Variants in RCOR1 observed in about 807,000 individuals in gnomAD.
RCOR1 encodes REST corepressor 1, also known as REST corepressor.
Under a neutral mutation model 64.0 loss-of-function variants are expected in RCOR1, and 12 were observed. That is an observed-to-expected ratio of 0.19 (90% confidence interval 0.12 to 0.30). The LOEUF is 0.30. Ranked by LOEUF, RCOR1 falls within the 10% of genes least tolerant of loss-of-function variation. The probability of loss-of-function intolerance (pLI) is 1.00; values close to 1 mark genes in which losing one functional copy is unlikely to be tolerated. For missense variants in RCOR1, 502 were observed against 621.2 expected, an observed-to-expected ratio of 0.81 and a Z score of 2.04; for synonymous variants, 279 against 227.2, an observed-to-expected ratio of 1.23 and a Z score of -2.05.
At position 102,730,145 on chromosome 14, in the gene RCOR1, G is replaced by A. The variant is rs1228077000; in HGVS notation, c.*3639G>A. On this transcript the variant is annotated 3_prime_UTR_variant, in exon 12 of 12. Transcript: ENST00000262241. The stretch of plus-strand genomic sequence containing the variant: ...GTTTACAGCCACCTTCTCCTAAAAC[G>A]AAATTTATACCGGGGTGGATAGTAT... 4.0e-5 allele frequency: 16 copies of A among 397,842 alleles called. No homozygotes were observed. The highest frequency in any genetic ancestry group is 8.2e-5 in the African/African-American group (4 of 48,630). The allele number at this position is 397,842 out of a possible 1,614,324, so 24.6% of individuals were successfully genotyped here. A position where few individuals can be genotyped will look rare whatever the true frequency, so the allele number is the denominator to read the frequency against.
chr14:102,601,652 G>A (rs145026962), intron 2 of RCOR1, among the ~76,000 whole-genome samples: 1,543 of 152,324 alleles, frequency 0.01, 15 homozygotes, highest in Admixed American at 0.015. Flanking sequence ...CTCAGCCAGA[G>A]TAGATTGTTA....
At chr14:102,680,886 C>G (rs186462691) in intron 2 of RCOR1, among the ~76,000 whole-genome samples, 3 of 152,328 alleles carry the variant, frequency 2.0e-5, no homozygotes, top group African/African-American at 7.2e-5. Context: ...CCATCTGCAA[C>G]AGAAATTCAA....
At chr14:102,706,120 A>AAAAAAAAAAAAAAAAAAAAAAAC (rs1895850398) in intron 4 of RCOR1, among the ~76,000 whole-genome samples, 1 of 146,228 alleles carries the variant, frequency 6.8e-6, no homozygotes, top group African/African-American at 2.6e-5. Context: ...GTCTCAAAAA[A>AAAAAAAAAAAAAAAAAAAAAAAC]AAAAAAAAAA....
intron 2 of RCOR1, among the ~76,000 whole-genome samples, chr14:102,677,220 T>A (rs1387658324): frequency 3.8e-4 from 14 of 36,696 alleles, no homozygotes; most frequent in South Asian, 2.1e-3. Context: ...TGACCCCCCC[T>A]CCCCCCTCCC....
chr14:102,702,183 T>G (rs1430282984), intron 4 of RCOR1, among the ~76,000 whole-genome samples: 4 of 152,218 alleles, frequency 2.6e-5, no homozygotes, highest in Non-Finnish European at 5.9e-5. Flanking sequence ...ACCAAGAGTT[T>G]AGATTATGTG....
intron 3 of RCOR1, among the ~76,000 whole-genome samples, chr14:102,697,934 T>C (rs1895680141): frequency 6.6e-6 from 1 of 152,186 alleles, no homozygotes; most frequent in Non-Finnish European, 1.5e-5. Flanking sequence ...TTGGCCGGGC[T>C]GGTCTCGAAC....
At chr14:102,695,730 T>A (rs966456993) in intron 3 of RCOR1, among the ~76,000 whole-genome samples, 2 of 149,844 alleles carry the variant, frequency 1.3e-5, no homozygotes, top group South Asian at 2.1e-4. Context: ...TTTTTTTTTT[T>A]AGTAGAGACG....
chr14:102,697,511 CAATGAAAAG>C (rs929745050), intron 3 of RCOR1, among the ~76,000 whole-genome samples: 1 of 152,038 alleles, frequency 6.6e-6, no homozygotes, highest in African/African-American at 2.4e-5. Flanking sequence ...ACATTGGGAA[CAATGAAAAG>C]AATGAAAAAG....
intron 2 of RCOR1, among the ~76,000 whole-genome samples, chr14:102,652,805 A>T (rs1412148374): frequency 6.6e-6 from 1 of 152,234 alleles, no homozygotes; most frequent in African/African-American, 2.4e-5. Context: ...CTTAGCATGT[A>T]TAACTGTGCA....
chr14:102,650,906 G>A (rs948188873), intron 2 of RCOR1: 4 of 674,566 alleles, frequency 5.9e-6, no homozygotes, highest in East Asian at 1.4e-4. Flanking sequence ...TAAATATTTG[G>A]TTTGCTCTTT....
rs944989033 is a variant in RCOR1, at chr14:102,722,330, G to A, written c.1333G>A (p.Gly445Ser). The A allele has an allele frequency of 3.1e-6, 5 of 1,613,972 alleles. No homozygotes were observed. The highest frequency in any genetic ancestry group is 3.3e-5 in the Admixed American group (2 of 59,998). Residue 445 changes from glycine to serine, a missense_variant, in exon 11 of 12, where the codon GGT (glycine) becomes AGT (serine). Transcript: ENST00000262241. Reference protein sequence around the residue: ...EVLQEWEAEHGKEETNGPSNQ... With the variant: ...EVLQEWEAEHSKEETNGPSNQ... ...TTTACAAGAATGGGAGGCAGAACAT[G>A]GTAAAGAAGAGACCAATGGGCCCAG...
chr14:102,721,414 G>T (rs1163352618), intron 10 of RCOR1, 37 bp downstream of exon 10: 5 of 1,502,970 alleles, frequency 3.3e-6, no homozygotes, highest in Non-Finnish European at 4.6e-6. Context: ...TAGGAGGCCG[G>T]CTGTGGTGGC....
intron 2 of RCOR1, among the ~76,000 whole-genome samples, chr14:102,614,375 C>T (rs939406969): frequency 6.6e-5 from 10 of 151,910 alleles, no homozygotes; most frequent in Admixed American, 6.6e-4. Context: ...CAGGCACCCG[C>T]CACCATGCCC....
intron 3 of RCOR1, 75 bp downstream of exon 3, chr14:102,682,053 G>C: frequency 1.2e-6 from 1 of 804,396 alleles, no homozygotes; most frequent in Non-Finnish European, 2.0e-6. Flanking sequence ...GAAGGTAAAA[G>C]CTTCTATATG....
chr14:102,616,963 A>G (rs78049570), intron 2 of RCOR1, among the ~76,000 whole-genome samples: 1,896 of 152,328 alleles, frequency 0.012, 39 homozygotes, highest in African/African-American at 0.043. Flanking sequence ...TGGTCAACTC[A>G]TTGGCATACA....
intron 3 of RCOR1, among the ~76,000 whole-genome samples, chr14:102,683,661 G>A (rs1409831101): frequency 1.3e-5 from 2 of 152,216 alleles, no homozygotes; most frequent in Admixed American, 6.5e-5. Context: ...CTGGGGGCGC[G>A]CTGATGTTCC....
At chr14:102,691,761 A>G (rs1287141758) in intron 3 of RCOR1, among the ~76,000 whole-genome samples, 1 of 152,256 alleles carries the variant, frequency 6.6e-6, no homozygotes, top group Admixed American at 6.5e-5. Flanking sequence ...TTGTAATCAT[A>G]TTAATGTCTA....
intron 2 of RCOR1, 59 bp downstream of exon 2, chr14:102,593,384 C>G: frequency 6.9e-7 from 1 of 1,444,290 alleles, no homozygotes. Flanking sequence ...GGGTCCCCGG[C>G]GAGCCCGAGG....
intron 2 of RCOR1, among the ~76,000 whole-genome samples, chr14:102,660,418 T>C (rs1463020146): frequency 6.6e-6 from 1 of 152,090 alleles, no homozygotes; most frequent in East Asian, 1.9e-4. Context: ...GGGGTCTCAT[T>C]CTGTCACCCA....
Sources: allele counts gnomAD v4.1 joint callset (sites outside exome capture counted in the v4.1 genomes callset), GRCh38; gene constraint gnomAD v4.1.1; transcripts MANE v1.5; gene names NCBI Gene and HGNC (gene_info 2026-07-23, HGNC 2026-07-21).